Variants in PUDP observed in about 807,000 individuals in gnomAD.
PUDP encodes the protein pseudouridine 5'-phosphatase.
A neutral mutation model predicts 9.4 loss-of-function variants in PUDP; 8 were observed. That is an observed-to-expected ratio of 0.85 (90% confidence interval 0.50 to 1.53). The LOEUF is 1.53. Ranked by LOEUF, PUDP falls within the 40% of genes most tolerant of loss-of-function variation. PUDP has a pLI of 0.00. For synonymous variants in PUDP, 99 were observed against 80.7 expected, an observed-to-expected ratio of 1.23 and a Z score of -1.22; for missense variants, 188 against 189.7, an observed-to-expected ratio of 0.99 and a Z score of 0.05.
chrX:6,879,435 TACACACACAC>T (rs753425131), intron 3 of PUDP, among the ~76,000 whole-genome samples: 20 of 102,058 alleles, frequency 2.0e-4, no homozygotes, highest in African/African-American at 7.1e-4. Context: ...ACAGCACAAT[TACACACACAC>T]ACACACACAC....
At position 7,148,079 on chromosome X, in the gene PUDP, A is replaced by G; in HGVS notation, c.35T>C (p.Ile12Thr). The G allele has an allele frequency of 8.9e-7, 1 of 1,128,131 alleles. No individual in the cohort carries two copies. The highest frequency in any genetic ancestry group is 1.9e-5 in the African/African-American group (1 of 52,714). 93.0% of individuals were successfully genotyped at this position (1,128,131 alleles called of 1,213,427 possible). ...CAGAAGAAGTCCGTCCATGTCAAAGATGAGGTGGGTGACGGGCTGCGGGGG... is the reference window on the plus strand; with the variant it reads ...CAGAAGAAGTCCGTCCATGTCAAAGGTGAGGTGGGTGACGGGCTGCGGGGG... ...AAPPQPVTHLIFDMDGLLLDT... is the reference protein window; with the variant it reads ...AAPPQPVTHLTFDMDGLLLDT... The change falls in exon 1 of 4, where the codon ATC becomes ACC. Residue 12 changes from isoleucine (I) to threonine (T), a missense_variant. By Grantham distance (89) the Ile-to-Thr change is moderately conservative. Coordinates refer to ENST00000381077, the MANE Select transcript of PUDP (RefSeq NM_012080.5).
At position 6,977,457 on chromosome X, in the gene PUDP, T is replaced by G. The variant is rs564907406; in HGVS notation, c.*138-215A>C. On this transcript the variant is annotated intron_variant and NMD_transcript_variant, in intron 2 of 3. Coordinates refer to the PUDP transcript ENST00000655425. The stretch of plus-strand genomic sequence containing the variant: ...TTTCTGTGTTGACATGTACCTCTTC[T>G]AGTTTAAAGAATAATCAATGGAATA... 5.8e-4 allele frequency among the ~76,000 whole-genome samples: 65 copies of G among 112,537 alleles called. 1 individual carries two copies. In the South Asian group the frequency reaches 0.023, roughly 40 times the overall value.
At chrX:6,841,103 C>G (rs1426940960) in intron 3 of PUDP, among the ~76,000 whole-genome samples, 5 of 109,388 alleles carry the variant, frequency 4.6e-5, no homozygotes, top group African/African-American at 1.7e-4. Flanking sequence ...ATTGTGAAAC[C>G]CTGTCTCTAC....
intron 3 of PUDP, among the ~76,000 whole-genome samples, chrX:6,785,427 G>T (rs1044464102): frequency 1.8e-5 from 2 of 111,896 alleles, no homozygotes; most frequent in Non-Finnish European, 3.8e-5. Context: ...ACATTTCAAT[G>T]TTTGAACATT....
At chrX:6,958,062 C>T (rs922908744) in intron 3 of PUDP, among the ~76,000 whole-genome samples, 59 of 112,189 alleles carry the variant, frequency 5.3e-4, no homozygotes, top group African/African-American at 1.5e-3. Flanking sequence ...AAAGGGTACA[C>T]GCTCCAGCAG....
chrX:6,841,363 G>A (rs778843287), intron 3 of PUDP, among the ~76,000 whole-genome samples: 40 of 110,358 alleles, frequency 3.6e-4, no homozygotes, highest in African/African-American at 1.2e-3. Context: ...AGGGTGAGGC[G>A]GGTGGATGAG....
chrX:6,819,988 T>C (rs1240603595), intron 3 of PUDP, among the ~76,000 whole-genome samples: 1 of 106,755 alleles, frequency 9.4e-6, no homozygotes, highest in Non-Finnish European at 1.9e-5. Flanking sequence ...TATATTTTTT[T>C]CGCCATAAAT....
intron 1 of PUDP, among the ~76,000 whole-genome samples, chrX:7,123,566 G>A (rs1448352704): frequency 1.8e-5 from 2 of 111,627 alleles, no homozygotes; most frequent in Admixed American, 9.5e-5. Context: ...GATTAAAAAC[G>A]CCAATTAAAA....
intron 3 of PUDP, among the ~76,000 whole-genome samples, chrX:6,902,947 A>G (rs1441611116): frequency 4.5e-5 from 5 of 111,798 alleles, no homozygotes; most frequent in Non-Finnish European, 5.6e-5. Context: ...TTCTTTAAAA[A>G]CAAGGTATTC....
intron 1 of PUDP, among the ~76,000 whole-genome samples, chrX:7,128,670 C>T (rs1360584490): frequency 1.8e-5 from 2 of 111,724 alleles, no homozygotes; most frequent in African/African-American, 6.5e-5. Flanking sequence ...ACATTCGGAA[C>T]CTCCTCAGGT....
At chrX:6,778,862 T>C (rs1465973723) in intron 3 of PUDP, among the ~76,000 whole-genome samples, 2 of 112,202 alleles carry the variant, frequency 1.8e-5, no homozygotes, top group Non-Finnish European at 3.8e-5. Context: ...ATCATTCTTG[T>C]AGTTGCTGTA....
rs758546797 is a variant in PUDP at position 6,834,050 on chromosome X, TTA to T, written c.*248-127586_*248-127585del. 3.6e-5 allele frequency among the ~76,000 whole-genome samples: 4 copies of T among 111,908 alleles called. No individual in the cohort carries two copies. The East Asian group carries it at 1.1e-3, about 32-fold the overall frequency. On this transcript the variant is annotated intron_variant and NMD_transcript_variant, in intron 3 of 3. Coordinates refer to the PUDP transcript ENST00000655425. ...AGAAAAACTAGGATGACCAAGAGTA[TTA>T]TATAACTGTACTCCTTAAAGGAATA...
intron 1 of PUDP, among the ~76,000 whole-genome samples, chrX:7,031,720 T>C (rs762134915): frequency 4.5e-5 from 5 of 112,348 alleles, no homozygotes; most frequent in Admixed American, 9.4e-5. Flanking sequence ...ACACATGGAA[T>C]TGGAAAAACT....
At chrX:7,050,654 G>A (rs899387458) in intron 3 of PUDP, among the ~76,000 whole-genome samples, 182 bp from the exon 4 acceptor site, 1 of 112,445 alleles carries the variant, frequency 8.9e-6, no homozygotes, top group Non-Finnish European at 1.9e-5. Context: ...GGCTCCGGGG[G>A]TCTCCCCGCC....
chrX:6,786,485 C>T (rs1925649792), intron 3 of PUDP, among the ~76,000 whole-genome samples: 1 of 112,270 alleles, frequency 8.9e-6, no homozygotes, highest in African/African-American at 3.2e-5. Context: ...TGAATGTTGT[C>T]TGTTATTTTG....
intron 3 of PUDP, among the ~76,000 whole-genome samples, chrX:7,052,924 C>T (rs1455278640): frequency 8.9e-6 from 1 of 112,069 alleles, no homozygotes; most frequent in Non-Finnish European, 1.9e-5. Context: ...AATGACTCCA[C>T]TTAGACTGTC....
At chrX:6,791,930 AAT>A (rs767263258) in intron 3 of PUDP, among the ~76,000 whole-genome samples, 2 of 111,902 alleles carry the variant, frequency 1.8e-5, no homozygotes, top group African/African-American at 3.2e-5. Flanking sequence ...AAATTTTTAT[AAT>A]AAAATGTTGA....
At chrX:6,930,198 A>T (rs1259619719) in intron 3 of PUDP, among the ~76,000 whole-genome samples, 1 of 110,819 alleles carries the variant, frequency 9.0e-6, no homozygotes, top group Non-Finnish European at 1.9e-5. Flanking sequence ...ACCTTGAACA[A>T]GGGCTGGGTA....
chrX:7,132,129 T>C (rs1251541675), intron 1 of PUDP, among the ~76,000 whole-genome samples: 1 of 110,277 alleles, frequency 9.1e-6, no homozygotes, highest in Non-Finnish European at 1.9e-5. Flanking sequence ...AGAACAGGGA[T>C]GCTGTTGTAT....
Sources: allele counts gnomAD v4.1 joint callset (sites outside exome capture counted in the v4.1 genomes callset), GRCh38; gene constraint gnomAD v4.1.1; transcripts MANE v1.5; gene names NCBI Gene and HGNC (gene_info 2026-07-23, HGNC 2026-07-21).